SLIT1: variants seen among roughly 807,000 people sequenced by gnomAD.
SLIT1 encodes slit homolog 1 protein.
In SLIT1, 66 loss-of-function variants were observed where a neutral mutation model predicts 186.1. The ratio of observed to expected loss-of-function variants is 0.35; its 90% CI spans 0.29 to 0.44. SLIT1 has a LOEUF of 0.44. Ranked by LOEUF, SLIT1 falls within the 20% of genes least tolerant of loss-of-function variation. SLIT1 has a pLI of 1.00. For synonymous variants in SLIT1, 761 were observed against 833.8 expected, an observed-to-expected ratio of 0.91 and a Z score of 1.50; for missense variants, 1,638 against 2,037.4, an observed-to-expected ratio of 0.80 and a Z score of 3.77.
At chr10:97,039,867 G>T in intron 21 of SLIT1, 121 bp downstream of exon 21, 1 of 1,117,434 alleles carries the variant, frequency 8.9e-7, no homozygotes, top group Non-Finnish European at 1.3e-6. Context: ...CTCCTAGTCA[G>T]CTAATGCCTG....
intron 28 of SLIT1, among the ~76,000 whole-genome samples, chr10:97,017,783 G>A (rs1262238858): frequency 6.6e-6 from 1 of 152,196 alleles, no homozygotes; most frequent in African/African-American, 2.4e-5. Flanking sequence ...TCTGCAGGCA[G>A]CACTGTCAGG....
In SLIT1 at chr10:97,010,914, G is replaced by A. The variant is rs560809690; in HGVS notation, c.3341+79C>T. 2.5e-5 allele frequency: 35 copies of A among 1,421,946 alleles called. No homozygotes were observed. The highest frequency in any genetic ancestry group is 1.8e-4 in the Middle Eastern group (1 of 5,488). The allele number at this position is 1,421,946 out of a possible 1,614,324, so 88.1% of individuals were successfully genotyped here. On this transcript the variant is annotated intron_variant, in intron 31 of 36. Coordinates refer to ENST00000266058, the MANE Select transcript of SLIT1 (RefSeq NM_003061.3). This position sits in a 1 kb window ranked among gnomAD's most constrained non-coding sequence, Gnocchi z 4.8. ...GCTCTGACCCACACCCCTTTCCTTC[G>A]CCATGGCTGGAGGCTCCTGCCAGCC...
intron 4 of SLIT1, among the ~76,000 whole-genome samples, chr10:97,100,918 T>C (rs1224933515): frequency 1.3e-5 from 2 of 152,318 alleles, no homozygotes; most frequent in East Asian, 3.9e-4. Flanking sequence ...TGCGTATTTC[T>C]AGGGACGGTG....
At chr10:97,086,289 G>A (rs768021268) in intron 4 of SLIT1, among the ~76,000 whole-genome samples, 11 of 152,200 alleles carry the variant, frequency 7.2e-5, no homozygotes, top group Admixed American at 5.2e-4. Context: ...AAATGAGCTG[G>A]CCGGATGAGG....
intron 11 of SLIT1, 69 bp from the exon 12 acceptor site, chr10:97,057,350 C>T (rs749591111): frequency 1.5e-4 from 202 of 1,323,336 alleles, no homozygotes; most frequent in African/African-American, 5.9e-4. Flanking sequence ...ACTCTGCAGA[C>T]GGCCCCAGCT....
intron 4 of SLIT1, among the ~76,000 whole-genome samples, chr10:97,124,409 G>A (rs141295316): frequency 4.6e-5 from 7 of 152,288 alleles, no homozygotes; most frequent in Non-Finnish European, 8.8e-5. Context: ...GCCCTCCCTC[G>A]AGCTTTGCTA....
chr10:97,169,301 C>T (rs1240946280), intron 1 of SLIT1, among the ~76,000 whole-genome samples: 1 of 152,182 alleles, frequency 6.6e-6, no homozygotes, highest in African/African-American at 2.4e-5. Flanking sequence ...AGCCTGTGAG[C>T]TCTCACTAAG....
At chr10:97,080,129 G>A (rs1214312894) in intron 4 of SLIT1, among the ~76,000 whole-genome samples, 1 of 152,146 alleles carries the variant, frequency 6.6e-6, no homozygotes, top group Non-Finnish European at 1.5e-5. Context: ...CTACCAATGG[G>A]CCCCGGGCTT....
At chr10:97,127,431 T>A (rs575543428) in intron 4 of SLIT1, among the ~76,000 whole-genome samples, 1 of 152,182 alleles carries the variant, frequency 6.6e-6, no homozygotes, top group Non-Finnish European at 1.5e-5. Context: ...GTTAGGACAA[T>A]GTCTATGCAG....
At chr10:97,074,677 A>G (rs1334026553) in intron 4 of SLIT1, among the ~76,000 whole-genome samples, 1 of 152,148 alleles carries the variant, frequency 6.6e-6, no homozygotes, top group East Asian at 1.9e-4. Flanking sequence ...CTCCACCAAG[A>G]GCAGCCCCCA....
chr10:97,185,338 C>G (rs1254165192), intron 1 of SLIT1, 140 bp downstream of exon 1: 2 of 794,054 alleles, frequency 2.5e-6, no homozygotes, highest in Non-Finnish European at 3.9e-6. Context: ...GGGAAAGACC[C>G]CGGCAGGCAC....
intron 4 of SLIT1, among the ~76,000 whole-genome samples, chr10:97,075,224 G>T (rs575189828): frequency 6.6e-6 from 1 of 152,348 alleles, no homozygotes; most frequent in African/African-American, 2.4e-5. Context: ...TCAGAAGATG[G>T]TTGGATTAAG....
intron 11 of SLIT1, among the ~76,000 whole-genome samples, chr10:97,058,920 G>T (rs1388419158): frequency 6.6e-6 from 1 of 152,208 alleles, no homozygotes; most frequent in Non-Finnish European, 1.5e-5. Flanking sequence ...TTTATTGACA[G>T]ACTTCCCCAG....
intron 4 of SLIT1, among the ~76,000 whole-genome samples, chr10:97,122,555 A>G (rs56313328): frequency 0.017 from 2,600 of 152,186 alleles, 56 homozygotes; most frequent in South Asian, 0.11. Flanking sequence ...GATGATGTGT[A>G]TGTGAGTGTG....
At chr10:97,137,071 G>A (rs1244760947) in intron 4 of SLIT1, among the ~76,000 whole-genome samples, 1 of 152,088 alleles carries the variant, frequency 6.6e-6, no homozygotes, top group African/African-American at 2.4e-5. Context: ...AAAAGAAAAA[G>A]GAAGCTGTTT....
chr10:97,083,221 T>C (rs536088969), intron 4 of SLIT1, among the ~76,000 whole-genome samples: 4 of 152,326 alleles, frequency 2.6e-5, no homozygotes, highest in South Asian at 2.1e-4. Context: ...AGGCATGAGA[T>C]ACTGCACCTG....
chr10:97,040,203 G>A, intron 20 of SLIT1, 83 bp from the exon 21 acceptor site: 2 of 1,382,302 alleles, frequency 1.4e-6, no homozygotes, highest in East Asian at 2.7e-5. Context: ...ATGCTCTGGG[G>A]CCTCTCAGAA....
intron 20 of SLIT1, among the ~76,000 whole-genome samples, chr10:97,041,373 A>G (rs555104212): frequency 5.4e-4 from 82 of 151,484 alleles, no homozygotes; most frequent in Non-Finnish European, 1.1e-3. Context: ...ACTTGTGCAC[A>G]TGAGCACACA....
At chr10:97,143,973 G>A (rs571649717) in intron 4 of SLIT1, among the ~76,000 whole-genome samples, 26 of 152,156 alleles carry the variant, frequency 1.7e-4, no homozygotes, top group Admixed American at 2.0e-4. Flanking sequence ...TGAGGTGGGC[G>A]AATCACCTGA....
Sources: allele counts gnomAD v4.1 joint callset (sites outside exome capture counted in the v4.1 genomes callset), GRCh38; gene constraint gnomAD v4.1.1; non-coding constraint Gnocchi (gnomAD v3.1); transcripts MANE v1.5; gene names NCBI Gene and HGNC (gene_info 2026-07-23, HGNC 2026-07-21).